Variants in AMBRA1 observed in about 807,000 individuals in gnomAD.
The protein encoded by AMBRA1 is activating molecule in BECN1-regulated autophagy protein 1.
In AMBRA1, 47 loss-of-function variants were observed where a neutral mutation model predicts 125.4. That is an observed-to-expected ratio of 0.37 (90% confidence interval 0.30 to 0.48). AMBRA1 has a LOEUF of 0.48. Ranked by LOEUF, AMBRA1 falls within the 20% of genes least tolerant of loss-of-function variation. The probability of loss-of-function intolerance (pLI) is 0.99; values close to 1 mark genes in which losing one functional copy is unlikely to be tolerated. For missense variants in AMBRA1, 1,331 were observed against 1,693.4 expected (o/e 0.79, Z 3.76); for synonymous variants, 626 against 655.5 (o/e 0.95, Z 0.69).
chr11:46,420,308 T>C (rs1946791061), intron 14 of AMBRA1, among the ~76,000 whole-genome samples: 1 of 152,200 alleles, frequency 6.6e-6, no homozygotes, highest in Non-Finnish European at 1.5e-5. Flanking sequence ...TGAATTTCTC[T>C]CGTAGTTATC....
chr11:46,435,087 CTG>C, intron 12 of AMBRA1, 50 bp from the exon 13 acceptor site: 1 of 1,490,904 alleles, frequency 6.7e-7, no homozygotes, highest in African/African-American at 1.4e-5. Context: ...GGAGTTGATA[CTG>C]TAAAAATTCT....
chr11:46,408,389 C>T, intron 17 of AMBRA1, 124 bp downstream of exon 17: 4 of 1,066,714 alleles, frequency 3.7e-6, no homozygotes, highest in Non-Finnish European at 5.0e-6. Flanking sequence ...GCTGAGGAGG[C>T]TCTTAATGCC....
chr11:46,416,768 G>C (rs2136644531), intron 15 of AMBRA1, among the ~76,000 whole-genome samples: 1 of 152,334 alleles, frequency 6.6e-6, no homozygotes, highest in Non-Finnish European at 1.5e-5. Flanking sequence ...GGACAGCCTG[G>C]AGGCAGAAGT....
chr11:46,466,379 C>T (rs73466094), intron 11 of AMBRA1, among the ~76,000 whole-genome samples: 1,769 of 151,178 alleles, frequency 0.012, 41 homozygotes, highest in African/African-American at 0.041. Flanking sequence ...GAGTATCTAA[C>T]GAGGAGACCA....
chr11:46,528,377 GC>G (rs1952073169), intron 7 of AMBRA1, among the ~76,000 whole-genome samples: 1 of 152,138 alleles, frequency 6.6e-6, no homozygotes, highest in Admixed American at 6.5e-5. Context: ...CACCATGTTG[GC>G]CAGGCTGGTC....
chr11:46,534,706 C>G (rs1445600365), intron 7 of AMBRA1, among the ~76,000 whole-genome samples: 1 of 152,206 alleles, frequency 6.6e-6, no homozygotes, highest in Admixed American at 6.5e-5. Context: ...AGGGTCTCCA[C>G]TCTGTTGCCC....
At chr11:46,414,163 C>T (rs1239013120) in intron 15 of AMBRA1, among the ~76,000 whole-genome samples, 1 of 152,224 alleles carries the variant, frequency 6.6e-6, no homozygotes, top group Non-Finnish European at 1.5e-5. Context: ...TTCCCAACTT[C>T]TTGGGACCAT....
At chr11:46,414,792 G>A (rs375730870) in intron 15 of AMBRA1, among the ~76,000 whole-genome samples, 1 of 152,188 alleles carries the variant, frequency 6.6e-6, no homozygotes, top group Non-Finnish European at 1.5e-5. Flanking sequence ...TTTGTAGAGG[G>A]GCTGACTGGC....
chr11:46,448,915 G>A (rs1188907986), intron 11 of AMBRA1, among the ~76,000 whole-genome samples: 1 of 152,064 alleles, frequency 6.6e-6, no homozygotes, highest in African/African-American at 2.4e-5. Flanking sequence ...AATCTAAATA[G>A]GCCTATATCT....
At chr11:46,495,270 C>T (rs1950592657) in intron 9 of AMBRA1, 1 of 152,222 alleles carries the variant, frequency 6.6e-6, no homozygotes, top group Non-Finnish European at 1.5e-5. Flanking sequence ...TCTGAATTCT[C>T]CCTTTGGATT....
intron 11 of AMBRA1, among the ~76,000 whole-genome samples, chr11:46,485,234 G>T (rs566160692): frequency 6.6e-6 from 1 of 152,180 alleles, no homozygotes. Context: ...CCCTATGCCC[G>T]GCCTCAAGAA....
intron 11 of AMBRA1, among the ~76,000 whole-genome samples, chr11:46,472,571 T>C (rs1050975159): frequency 6.6e-6 from 1 of 152,216 alleles, no homozygotes; most frequent in Non-Finnish European, 1.5e-5. Context: ...AGAGAATTAC[T>C]GAAGGAGTCA....
At chr11:46,592,525 A>T (rs1309614075) in intron 1 of AMBRA1, among the ~76,000 whole-genome samples, 1 of 152,168 alleles carries the variant, frequency 6.6e-6, no homozygotes, top group Non-Finnish European at 1.5e-5. Flanking sequence ...TGAGAGGCCG[A>T]CGTGGACGAA....
At chr11:46,472,285 C>T (rs180844174) in intron 11 of AMBRA1, among the ~76,000 whole-genome samples, 1 of 152,322 alleles carries the variant, frequency 6.6e-6, no homozygotes, top group African/African-American at 2.4e-5. Flanking sequence ...TTTCAGCCAC[C>T]TGAGCCTGTC....
chr11:46,480,541 T>C (rs1458901005), intron 11 of AMBRA1, among the ~76,000 whole-genome samples: 2 of 152,232 alleles, frequency 1.3e-5, no homozygotes, highest in Non-Finnish European at 2.9e-5. Context: ...ATGCGTCTTT[T>C]CCTTCTTTGC....
chr11:46,548,342 G>C lies in AMBRA1; in HGVS notation c.39C>G (p.Leu13=), dbSNP rs561932618. 3.1e-5 allele frequency: 50 copies of C among 1,614,060 alleles called. No homozygotes were observed. In the East Asian group the frequency reaches 8.9e-4, roughly 29 times the overall value. Residue 13 remains leucine, a synonymous_variant, in exon 2 of 18, where the codon CTC becomes CTG. Coordinates refer to ENST00000683756, the MANE Select transcript of AMBRA1 (RefSeq NM_001387011.1). ...VVPEKNAVRI[L]WGRERGARAM... is the part of the protein sequence containing the mutation. Reference sequence around the variant, plus strand: ...CCCGAGCACCCCGTTCTCGCCCCCAGAGTATCCGGACAGCATTCTTTTCTG... The same window carrying C: ...CCCGAGCACCCCGTTCTCGCCCCCACAGTATCCGGACAGCATTCTTTTCTG...
At chr11:46,537,686 C>T (rs1204537652) in intron 7 of AMBRA1, among the ~76,000 whole-genome samples, 2 of 152,162 alleles carry the variant, frequency 1.3e-5, no homozygotes, top group Non-Finnish European at 2.9e-5. Flanking sequence ...GGAGACAAAC[C>T]GTGTACTGGT....
At chr11:46,417,664 G>GA (rs983942628) in intron 15 of AMBRA1, among the ~76,000 whole-genome samples, 3 of 150,760 alleles carry the variant, frequency 2.0e-5, no homozygotes, top group Non-Finnish European at 1.5e-5. Flanking sequence ...GGAAAACAAA[G>GA]AAAAAAAAAT....
At chr11:46,504,561 G>A (rs998157770) in intron 9 of AMBRA1, 2 of 152,222 alleles carry the variant, frequency 1.3e-5, no homozygotes, top group African/African-American at 2.4e-5. Context: ...GTTTCTGGAT[G>A]TCCTGTTTGT....
Sources: gnomAD v4.1 joint callset for allele counts (sites outside exome capture counted in the v4.1 genomes callset) on GRCh38, gnomAD v4.1.1 for gene constraint, MANE v1.5 for transcripts, NCBI Gene and HGNC (gene_info 2026-07-23, HGNC 2026-07-21) for gene names.